DNM3: variants seen among roughly 807,000 people sequenced by gnomAD.
DNM3 encodes the protein dynamin-3.
A neutral mutation model predicts 101.6 loss-of-function variants in DNM3; 47 were observed. That is an observed-to-expected ratio of 0.46 (90% CI 0.37 to 0.59). The LOEUF (loss-of-function observed/expected upper bound fraction) is 0.59, where lower values mean the gene tolerates loss of function less well. Ranked by LOEUF, DNM3 falls within the 20% of genes least tolerant of loss-of-function variation. The pLI, the probability that DNM3 is intolerant of heterozygous loss-of-function variation, is 0.00. For missense variants in DNM3, 849 were observed against 1,085.7 expected (o/e 0.78, Z 3.06); for synonymous variants, 385 against 387.9 (o/e 0.99, Z 0.09).
At chr1:172,250,900 C>T (rs2062142363) in intron 14 of DNM3, among the ~76,000 whole-genome samples, 1 of 152,088 alleles carries the variant, frequency 6.6e-6, no homozygotes, top group Non-Finnish European at 1.5e-5. Flanking sequence ...AATTGTCTGA[C>T]AGCCAACTTC....
chr1:172,030,403 A>G (rs2048515252), intron 4 of DNM3, among the ~76,000 whole-genome samples: 1 of 152,218 alleles, frequency 6.6e-6, no homozygotes, highest in African/African-American at 2.4e-5. Context: ...TACAAAAATT[A>G]ACCCAAGATG....
intron 10 of DNM3, among the ~76,000 whole-genome samples, chr1:172,053,199 T>G (rs1383505402): frequency 6.6e-6 from 1 of 152,174 alleles, no homozygotes; most frequent in Non-Finnish European, 1.5e-5. Context: ...TTGGTCCCAC[T>G]GCTTGCTTCA....
intron 11 of DNM3, among the ~76,000 whole-genome samples, chr1:172,079,869 A>G (rs186399619): frequency 1.6e-4 from 24 of 152,224 alleles, no homozygotes; most frequent in African/African-American, 3.6e-4. Context: ...TCCTTCTAAC[A>G]GTCAGGCCCC....
chr1:172,122,117 CTT>C (rs1437565512), intron 13 of DNM3, among the ~76,000 whole-genome samples: 2 of 152,036 alleles, frequency 1.3e-5, no homozygotes, highest in Non-Finnish European at 2.9e-5. Context: ...GTGATGCCAA[CTT>C]ACTTTTTTAA....
intron 14 of DNM3, among the ~76,000 whole-genome samples, chr1:172,188,469 G>A (rs1326468298): frequency 1.3e-5 from 2 of 151,994 alleles, no homozygotes; most frequent in Non-Finnish European, 2.9e-5. Context: ...ACCACAGGGT[G>A]GAGATTTCTT....
chr1:172,143,394 ACTTT>A (rs2057696609), intron 14 of DNM3, among the ~76,000 whole-genome samples: 1 of 152,106 alleles, frequency 6.6e-6, no homozygotes, highest in Non-Finnish European at 1.5e-5. Context: ...TTTTTCCAGA[ACTTT>A]CTTTAAGGGG....
At chr1:172,321,230 G>T (rs1441207592) in intron 16 of DNM3, among the ~76,000 whole-genome samples, 1 of 152,168 alleles carries the variant, frequency 6.6e-6, no homozygotes, top group East Asian at 1.9e-4. Context: ...AGAAGAAGAG[G>T]AATAGCCACA....
chr1:171,983,897 T>C (rs2045029588), intron 2 of DNM3, among the ~76,000 whole-genome samples: 1 of 152,116 alleles, frequency 6.6e-6, no homozygotes, highest in African/African-American at 2.4e-5. Context: ...TGGATGGGTG[T>C]GTCATGGCCA....
At chr1:172,241,925 C>T (rs1379086751) in intron 14 of DNM3, among the ~76,000 whole-genome samples, 3 of 152,186 alleles carry the variant, frequency 2.0e-5, no homozygotes, top group Non-Finnish European at 4.4e-5. Flanking sequence ...TGCACTCAAA[C>T]ATTACAGGGC....
At chr1:171,917,769 T>C (rs1240383647) in intron 1 of DNM3, among the ~76,000 whole-genome samples, 1 of 152,168 alleles carries the variant, frequency 6.6e-6, no homozygotes, top group African/African-American at 2.4e-5. Flanking sequence ...TATAGATATA[T>C]TAGAAAATAA....
intron 4 of DNM3, among the ~76,000 whole-genome samples, chr1:172,023,186 C>T (rs1266676759): frequency 6.6e-6 from 1 of 152,004 alleles, no homozygotes; most frequent in East Asian, 1.9e-4. Context: ...TCTCTCATTC[C>T]CATAGATATC....
intron 17 of DNM3, among the ~76,000 whole-genome samples, chr1:172,357,301 A>T (rs1235275502): frequency 6.6e-6 from 1 of 152,100 alleles, no homozygotes; most frequent in Non-Finnish European, 1.5e-5. Context: ...TCAAAGGAGA[A>T]AAAATAGAAA....
chr1:172,289,830 G>T, intron 15 of DNM3: 14 of 983,828 alleles, frequency 1.4e-5, no homozygotes, highest in Non-Finnish European at 1.7e-5. Context: ...TAATTTATCT[G>T]AAGTGGTTTT....
At chr1:171,939,569 T>C (rs2041678483) in intron 2 of DNM3, among the ~76,000 whole-genome samples, 1 of 152,194 alleles carries the variant, frequency 6.6e-6, no homozygotes, top group South Asian at 2.1e-4. Context: ...GAAAGACAAG[T>C]TCCTTAGTTT....
chr1:172,017,647 G>A (rs79157112), intron 4 of DNM3, among the ~76,000 whole-genome samples: 2,294 of 152,262 alleles, frequency 0.015, 54 homozygotes, highest in African/African-American at 0.052. Flanking sequence ...TCAAGTTCAT[G>A]TGAACTAGAG....
chr1:172,321,317 A>G (rs1437569005), intron 16 of DNM3, among the ~76,000 whole-genome samples: 3 of 152,218 alleles, frequency 2.0e-5, no homozygotes, highest in Non-Finnish European at 4.4e-5. Flanking sequence ...TACAAGACTT[A>G]AAATGCTTGG....
At chr1:172,066,498 A>G (rs986594725) in intron 10 of DNM3, among the ~76,000 whole-genome samples, 5 of 152,104 alleles carry the variant, frequency 3.3e-5, no homozygotes, top group African/African-American at 1.2e-4. Context: ...TCCCACTCCC[A>G]TAACCTATTA....
intron 10 of DNM3, among the ~76,000 whole-genome samples, 175 bp from the exon 11 acceptor site, chr1:172,068,644 G>C (rs2051896633): frequency 6.6e-6 from 1 of 152,160 alleles, no homozygotes; most frequent in African/African-American, 2.4e-5. Context: ...TCTGATGATA[G>C]TTTGTGAAGC....
chr1:172,057,316 A>G (rs2050726407), intron 10 of DNM3, among the ~76,000 whole-genome samples: 1 of 152,202 alleles, frequency 6.6e-6, no homozygotes, highest in South Asian at 2.1e-4. Flanking sequence ...AAGGCAGGCC[A>G]ACGCTCAGAT....
Sources: allele counts gnomAD v4.1 joint callset (sites outside exome capture counted in the v4.1 genomes callset), GRCh38; gene constraint gnomAD v4.1.1; transcripts MANE v1.5; gene names NCBI Gene and HGNC (gene_info 2026-07-23, HGNC 2026-07-21).